ASIC2: variants seen among roughly 807,000 people sequenced by gnomAD.
The protein encoded by ASIC2 is acid-sensing ion channel 2.
In ASIC2, 25 loss-of-function variants were observed where a neutral mutation model predicts 57.3. The observed-to-expected ratio is 0.44, with a 90% CI of 0.32 to 0.61. The LOEUF (loss-of-function observed/expected upper bound fraction) is 0.61, where lower values mean the gene tolerates loss of function less well. Ranked by LOEUF, ASIC2 falls within the 20% of genes least tolerant of loss-of-function variation. The probability of loss-of-function intolerance (pLI) is 0.06; values close to 1 mark genes in which losing one functional copy is unlikely to be tolerated. For missense variants in ASIC2, 641 were observed against 738.1 expected (o/e 0.87, Z 1.52); for synonymous variants, 319 against 307.5 (o/e 1.04, Z -0.39).
At chr17:33,049,434 A>G (rs992362356) in intron 3 of ASIC2, among the ~76,000 whole-genome samples, 2 of 152,198 alleles carry the variant, frequency 1.3e-5, no homozygotes, top group African/African-American at 2.4e-5. Context: ...ACATGTCTAT[A>G]ACATCTTACC....
At chr17:33,835,080 AC>A (rs1416283023) in intron 1 of ASIC2, among the ~76,000 whole-genome samples, 4 of 152,184 alleles carry the variant, frequency 2.6e-5, no homozygotes, top group Non-Finnish European at 5.9e-5. Context: ...TTCTCATGGA[AC>A]TTTCACATTG....
intron 1 of ASIC2, among the ~76,000 whole-genome samples, chr17:33,180,255 T>A (rs56374841): frequency 0.27 from 41,622 of 152,128 alleles, 8,372 homozygotes; most frequent in African/African-American, 0.55. Flanking sequence ...AGCATTCCAG[T>A]TGCATTCAGT....
At chr17:33,123,859 T>C (rs1239700251) in intron 1 of ASIC2, among the ~76,000 whole-genome samples, 1 of 152,076 alleles carries the variant, frequency 6.6e-6, no homozygotes, top group East Asian at 1.9e-4. Context: ...CGTGCAGGTG[T>C]GGAATGGGAG....
chr17:33,723,861 G>A (rs1480545096), intron 1 of ASIC2, among the ~76,000 whole-genome samples: 1 of 152,206 alleles, frequency 6.6e-6, no homozygotes, highest in Non-Finnish European at 1.5e-5. Flanking sequence ...TTTAATGTGT[G>A]TAAATTGTAC....
chr17:34,017,703 T>C (rs2142026325), intron 1 of ASIC2, among the ~76,000 whole-genome samples: 1 of 152,268 alleles, frequency 6.6e-6, no homozygotes, highest in South Asian at 2.1e-4. Flanking sequence ...GTGGTCTGGA[T>C]AGAAAATCAA....
At chr17:33,914,064 G>A (rs1259760664) in intron 1 of ASIC2, among the ~76,000 whole-genome samples, 2 of 152,200 alleles carry the variant, frequency 1.3e-5, no homozygotes, top group Non-Finnish European at 2.9e-5. Flanking sequence ...TAAGGGAAAG[G>A]GGGCGTAGAG....
At position 33,852,105 on chromosome 17, in the gene ASIC2, T is replaced by C. The variant is rs1037345307; in HGVS notation, c.555+303873A>G. Among the ~76,000 whole-genome samples the C allele has an allele frequency of 3.9e-5, 6 of 152,212 alleles. 1 individual carries two copies. In the South Asian group the frequency reaches 8.3e-4, roughly 21 times the overall value. ...TCTTCTGCATGTCAGACAGAGAAGATGCTAGACAGCCAGCAGGCTGTGCAA... is the reference window on the plus strand; with the variant it reads ...TCTTCTGCATGTCAGACAGAGAAGACGCTAGACAGCCAGCAGGCTGTGCAA... On this transcript the variant is annotated intron_variant, in intron 1 of 9. Coordinates refer to the ASIC2 transcript ENST00000359872.
intron 1 of ASIC2, among the ~76,000 whole-genome samples, chr17:33,517,498 C>A (rs1198713276): frequency 6.6e-6 from 1 of 152,136 alleles, no homozygotes; most frequent in South Asian, 2.1e-4. Flanking sequence ...AGTAGCCTAG[C>A]GGAGTGATTC....
chr17:33,288,956 G>C (rs1905306232), intron 1 of ASIC2, among the ~76,000 whole-genome samples: 1 of 152,160 alleles, frequency 6.6e-6, no homozygotes, highest in Non-Finnish European at 1.5e-5. Context: ...ACAAAGGCTA[G>C]AGACAAGGCA....
chr17:34,088,867 G>T (rs536226216), intron 1 of ASIC2, among the ~76,000 whole-genome samples: 43 of 152,316 alleles, frequency 2.8e-4, no homozygotes, highest in African/African-American at 1.0e-3. Context: ...CTCCTGGTGT[G>T]CTGTTTTTTA....
At chr17:33,272,479 A>G (rs923343648) in intron 1 of ASIC2, among the ~76,000 whole-genome samples, 3 of 152,244 alleles carry the variant, frequency 2.0e-5, no homozygotes, top group African/African-American at 4.8e-5. Context: ...TTAGGTGAAC[A>G]GTTCTTTACT....
chr17:33,418,279 C>A (rs1332253706), intron 1 of ASIC2, among the ~76,000 whole-genome samples: 1 of 152,072 alleles, frequency 6.6e-6, no homozygotes, highest in East Asian at 1.9e-4. Context: ...AAACCCCATC[C>A]TAATCTTCAG....
At chr17:33,595,844 C>G (rs1904962960) in intron 1 of ASIC2, among the ~76,000 whole-genome samples, 2 of 152,216 alleles carry the variant, frequency 1.3e-5, no homozygotes, top group African/African-American at 2.4e-5. Context: ...CCCAATGGGC[C>G]TTCCCATGAG....
chr17:34,006,038 A>G (rs1211323420), intron 1 of ASIC2: 1 of 152,272 alleles, frequency 6.6e-6, no homozygotes, highest in African/African-American at 2.4e-5. Context: ...GCTTATAGCC[A>G]AATGGGAAAG....
intron 1 of ASIC2, among the ~76,000 whole-genome samples, chr17:33,428,761 A>T (rs1157811812): frequency 6.6e-6 from 1 of 152,030 alleles, no homozygotes; most frequent in Admixed American, 6.6e-5. Flanking sequence ...ACAGCCCTCT[A>T]CCTTCCTCCC....
chr17:33,967,086 C>A (rs187617616), intron 1 of ASIC2, among the ~76,000 whole-genome samples: 5 of 152,226 alleles, frequency 3.3e-5, no homozygotes, highest in African/African-American at 9.6e-5. Context: ...ACGCATAGCA[C>A]CTCTCTTCAG....
chr17:33,161,857 G>GT (rs199823485), intron 1 of ASIC2, among the ~76,000 whole-genome samples: 2,761 of 94,042 alleles, frequency 0.029, 199 homozygotes, highest in Non-Finnish European at 0.041. Flanking sequence ...GAATTCCTAG[G>GT]TTTTTTTTTT....
At chr17:34,132,949 C>T (rs1912033729) in intron 1 of ASIC2, among the ~76,000 whole-genome samples, 1 of 152,156 alleles carries the variant, frequency 6.6e-6, no homozygotes, top group South Asian at 2.1e-4. Flanking sequence ...GGACCTAGGC[C>T]CCAATCTAAC....
intron 3 of ASIC2, among the ~76,000 whole-genome samples, chr17:33,056,022 C>T (rs1263143335): frequency 6.6e-6 from 1 of 152,172 alleles, no homozygotes; most frequent in Admixed American, 6.5e-5. Context: ...TCGAAAACTC[C>T]CTAGAGGATT....
Sources: allele counts gnomAD v4.1 joint callset (sites outside exome capture counted in the v4.1 genomes callset), GRCh38; gene constraint gnomAD v4.1.1; transcripts MANE v1.5; gene names NCBI Gene and HGNC (gene_info 2026-07-23, HGNC 2026-07-21).